SLC24A2: variants seen among roughly 807,000 people sequenced by gnomAD.
SLC24A2 encodes sodium/potassium/calcium exchanger 2.
A neutral mutation model predicts 62.0 loss-of-function variants in SLC24A2; 36 were observed. That is an observed-to-expected ratio of 0.58 (90% CI 0.44 to 0.77). The LOEUF (loss-of-function observed/expected upper bound fraction) is 0.77. SLC24A2 is among the 30% of genes least tolerant of loss of function. SLC24A2 has a pLI of 0.00. For missense variants in SLC24A2, 846 were observed against 817.9 expected (o/e 1.03, Z -0.42); for synonymous variants, 358 against 294.0 (o/e 1.22, Z -2.23).
chr9:19,917,771 T>A, the SLC24A2 span, among the ~76,000 whole-genome samples: 1 of 152,158 alleles, frequency 6.6e-6, no homozygotes, highest in African/African-American at 2.4e-5. Context: ...GTTTTAAGAT[T>A]ATGTGATATT....
the SLC24A2 span, among the ~76,000 whole-genome samples, chr9:20,112,633 G>A: frequency 6.6e-6 from 1 of 152,198 alleles, no homozygotes; most frequent in Non-Finnish European, 1.5e-5. Context: ...TAACCCCAGG[G>A]TGTCAGTGTA....
the SLC24A2 span, among the ~76,000 whole-genome samples, chr9:20,304,042 A>G: frequency 1.3e-5 from 2 of 152,188 alleles, no homozygotes; most frequent in Admixed American, 1.3e-4. Flanking sequence ...TAGCTATAAA[A>G]CAGTTCCAAG....
the SLC24A2 span, among the ~76,000 whole-genome samples, chr9:20,130,562 G>C: frequency 6.6e-6 from 1 of 151,976 alleles, no homozygotes; most frequent in Middle Eastern, 3.2e-3. Flanking sequence ...AGCAGAATTA[G>C]GAAGGGTAGA....
At chr9:19,567,370 C>A (rs1483620769) in intron 7 of SLC24A2, among the ~76,000 whole-genome samples, 1 of 151,280 alleles carries the variant, frequency 6.6e-6, no homozygotes, top group Non-Finnish European at 1.5e-5. Context: ...CACAATGAAA[C>A]CCTGTCTCTA....
intron 2 of SLC24A2, among the ~76,000 whole-genome samples, chr9:19,721,360 T>C (rs141012014): frequency 6.6e-6 from 1 of 152,180 alleles, no homozygotes; most frequent in Non-Finnish European, 1.5e-5. Context: ...GACCCTCTGT[T>C]GATACTGGCT....
At chr9:19,585,605 A>T (rs1486671883) in intron 5 of SLC24A2, among the ~76,000 whole-genome samples, 1 of 152,238 alleles carries the variant, frequency 6.6e-6, no homozygotes, top group Non-Finnish European at 1.5e-5. Context: ...AAAGATATGC[A>T]TGTATACTGA....
At chr9:19,885,755 G>A in the SLC24A2 span, among the ~76,000 whole-genome samples, 1 of 151,942 alleles carries the variant, frequency 6.6e-6, no homozygotes, top group South Asian at 2.1e-4. Context: ...CTCCCACCCT[G>A]TACTCTCAAT....
At chr9:19,832,675 G>A in the SLC24A2 span, among the ~76,000 whole-genome samples, 2 of 152,156 alleles carry the variant, frequency 1.3e-5, no homozygotes, top group African/African-American at 4.8e-5. Flanking sequence ...CAGGTCATAG[G>A]CATGGGCAAG....
chr9:19,662,983 T>A (rs1233749881), intron 2 of SLC24A2, among the ~76,000 whole-genome samples: 1 of 152,226 alleles, frequency 6.6e-6, no homozygotes, highest in South Asian at 2.1e-4. Flanking sequence ...ACATAGCATA[T>A]GCTAAACAAA....
At chr9:20,303,766 A>G in the SLC24A2 span, among the ~76,000 whole-genome samples, 1 of 152,232 alleles carries the variant, frequency 6.6e-6, no homozygotes, top group Non-Finnish European at 1.5e-5. Context: ...TATTTTTAAT[A>G]GAGACACAGG....
chr9:19,806,085 G>A, the SLC24A2 span, among the ~76,000 whole-genome samples: 2 of 151,982 alleles, frequency 1.3e-5, no homozygotes, highest in Non-Finnish European at 2.9e-5. Context: ...CAAGTATTAG[G>A]ATAACTCTGA....
chr9:19,804,120 A>C, the SLC24A2 span, among the ~76,000 whole-genome samples: 2 of 152,154 alleles, frequency 1.3e-5, no homozygotes, highest in African/African-American at 4.8e-5. Flanking sequence ...GCATTTACAC[A>C]TGAATTATAG....
chr9:19,560,944 G>C (rs140247004), intron 7 of SLC24A2, among the ~76,000 whole-genome samples: 6,596 of 143,100 alleles, frequency 0.046, 254 homozygotes, highest in African/African-American at 0.11. Flanking sequence ...GAGAGAGAGA[G>C]AGACAGAGTC....
At chr9:19,723,149 T>G (rs1821077286) in intron 2 of SLC24A2, among the ~76,000 whole-genome samples, 1 of 152,134 alleles carries the variant, frequency 6.6e-6, no homozygotes, top group Admixed American at 6.6e-5. Flanking sequence ...AAATAAATTA[T>G]ATTGTTTTTC....
chr9:19,886,732 A>G, the SLC24A2 span, among the ~76,000 whole-genome samples: 14 of 152,212 alleles, frequency 9.2e-5, no homozygotes, highest in African/African-American at 2.9e-4. Context: ...AAATCATTCT[A>G]TTATAAAGAT....
At chr9:20,182,387 A>C in the SLC24A2 span, among the ~76,000 whole-genome samples, 4 of 152,240 alleles carry the variant, frequency 2.6e-5, no homozygotes, top group Non-Finnish European at 5.9e-5. Context: ...AACCAACCTA[A>C]ATGTCCATCA....
the SLC24A2 span, among the ~76,000 whole-genome samples, chr9:20,275,153 C>G: frequency 2.0e-5 from 3 of 152,124 alleles, no homozygotes; most frequent in Non-Finnish European, 2.9e-5. Flanking sequence ...AAGTTCTCAG[C>G]AGTGGGGCCT....
the SLC24A2 span, among the ~76,000 whole-genome samples, chr9:20,019,329 C>T: frequency 6.9e-6 from 1 of 144,304 alleles, no homozygotes; most frequent in Non-Finnish European, 1.5e-5. Context: ...GTGACTTGTT[C>T]AAGTTCATAC....
intron 2 of SLC24A2, among the ~76,000 whole-genome samples, chr9:19,680,483 G>A (rs1285139609): frequency 6.6e-6 from 1 of 151,920 alleles, no homozygotes; most frequent in Non-Finnish European, 1.5e-5. Flanking sequence ...CTCTACTGTT[G>A]ACAAGGTTCA....
Sources: allele counts gnomAD v4.1 joint callset (sites outside exome capture counted in the v4.1 genomes callset), GRCh38; gene constraint gnomAD v4.1.1; transcripts MANE v1.5; gene names NCBI Gene and HGNC (gene_info 2026-07-23, HGNC 2026-07-21).